Variants in ADD3 observed in about 807,000 individuals in gnomAD.
ADD3 encodes the protein gamma-adducin.
A neutral mutation model predicts 80.2 loss-of-function variants in ADD3; 25 were observed. The observed-to-expected ratio is 0.31, with a 90% CI of 0.23 to 0.44. The LOEUF is 0.44. Ranked by LOEUF, ADD3 falls within the 20% of genes least tolerant of loss-of-function variation. ADD3 has a pLI of 1.00. For missense variants in ADD3, 829 were observed against 847.5 expected (o/e 0.98, Z 0.27); for synonymous variants, 284 against 289.6 (o/e 0.98, Z 0.20).
At chr10:110,117,172 C>T (rs908828508) in intron 4 of ADD3, among the ~76,000 whole-genome samples, 170 bp from the exon 5 acceptor site, 3 of 151,824 alleles carry the variant, frequency 2.0e-5, no homozygotes, top group African/African-American at 7.3e-5. Context: ...TTAGCAAGTA[C>T]TTGAGGGAAA....
At chr10:110,001,354 G>A (rs1294513634), upstream of ADD3, among the ~76,000 whole-genome samples, 1 of 150,728 alleles carries the variant, frequency 6.6e-6, no homozygotes, top group Non-Finnish European at 1.5e-5. Context: ...GATTGAAGCT[G>A]TGGTGAGCTG....
At chr10:110,019,174 A>T (rs1206561343) in intron 1 of ADD3, among the ~76,000 whole-genome samples, 3 of 152,132 alleles carry the variant, frequency 2.0e-5, no homozygotes, top group Admixed American at 1.3e-4. Flanking sequence ...GATGGAGTTG[A>T]TACGAGATAT....
intron 9 of ADD3, chr10:110,123,739 CA>C (rs1851802736): frequency 3.1e-6 from 1 of 323,804 alleles, no homozygotes; most frequent in African/African-American, 2.1e-5. Context: ...GATAGAAAAG[CA>C]CTTCTGGTCA....
At position 110,130,410 on chromosome 10, in the gene ADD3, C is replaced by A. The variant is rs772690369; in HGVS notation, c.1656C>A (p.Asn552Lys). The A allele has an allele frequency of 1.2e-6, 2 of 1,613,896 alleles. No individual in the cohort carries two copies. The highest frequency in any genetic ancestry group is 2.7e-5 in the African/African-American group (2 of 74,902). ...DDDHGPPAPP[N>K]PFSHLTEGEL... ...ATCATGGCCCACCAGCTCCTCCTAA[C>A]CCATTTAGTCATCTCACAGAAGGAG... The change falls in exon 13 of 15, where the codon AAC becomes AAA. Residue 552 changes from asparagine (N) to lysine (K), a missense_variant. Asn to Lys is a moderately conservative substitution (Grantham distance 94). Transcript: ENST00000356080.
At position 110,116,251 on chromosome 10, in the gene ADD3, T is replaced by G; in HGVS notation, c.335-8T>G. The G allele has an allele frequency of 6.2e-7, 1 of 1,612,476 alleles. No homozygotes were observed. Among genetic ancestry groups the G allele is most frequent in the Admixed American group, 1.7e-5 (1 of 59,688 alleles). On this transcript the variant is annotated splice_polypyrimidine_tract_variant and splice_region_variant and intron_variant, in intron 3 of 14. Coordinates refer to ENST00000356080, the MANE Select transcript of ADD3 (RefSeq NM_016824.5). ...TCGTATCTCTCTCCACATTTTTTGC[T>G]CTTTTAGGTCTTGGCATGGTCACAC... is the stretch of plus-strand genomic sequence containing the variant.
At position 110,126,456 on chromosome 10, in the gene ADD3, C is replaced by A; in HGVS notation, c.1561C>A (p.Pro521Thr). Reference sequence around the variant, plus strand: ...TCGATATGACTTGAAAACAGCAGGACCACAATCTCAGTTGCTTGCTGGAAT... The same window carrying A: ...TCGATATGACTTGAAAACAGCAGGAACACAATCTCAGTTGCTTGCTGGAAT... ...QNRYDLKTAG[P>T]QSQLLAGIVV... is the part of the protein sequence containing the mutation. The change falls in exon 12 of 15, where the codon CCA (proline) becomes ACA (threonine). Residue 521 changes from proline (P) to threonine (T), a missense_variant. Physicochemically the swap from Pro to Thr is conservative, Grantham distance 38. Transcript: ENST00000356080. 6.2e-7 allele frequency: 1 copy of A among 1,613,660 alleles called. No individual in the cohort carries two copies. The highest frequency in any genetic ancestry group is 8.5e-7 in the Non-Finnish European group (1 of 1,179,914).
chr10:110,092,352 A>G (rs979383022), intron 1 of ADD3, among the ~76,000 whole-genome samples: 1 of 152,240 alleles, frequency 6.6e-6, no homozygotes, highest in African/African-American at 2.4e-5. Flanking sequence ...AATGAAGAAA[A>G]TTTGGTACAT....
At chr10:110,013,447 G>T (rs558304878) in intron 1 of ADD3, among the ~76,000 whole-genome samples, 1 of 152,256 alleles carries the variant, frequency 6.6e-6, no homozygotes, top group Middle Eastern at 3.4e-3. Flanking sequence ...AATTTTTTCT[G>T]CAGTGGGCAT....
At chr10:110,041,630 TG>T in intron 1 of ADD3, among the ~76,000 whole-genome samples, 1 of 152,340 alleles carries the variant, frequency 6.6e-6, no homozygotes, top group Non-Finnish European at 1.5e-5. Context: ...CTTAGAATTA[TG>T]GGCAATTTCC....
At chr10:110,019,002 A>G (rs1183478243) in intron 1 of ADD3, among the ~76,000 whole-genome samples, 3 of 152,240 alleles carry the variant, frequency 2.0e-5, no homozygotes, top group Non-Finnish European at 4.4e-5. Context: ...AGGAATCCTC[A>G]TCATTCCCAG....
At chr10:110,132,499 A>G (rs1457247216) in intron 14 of ADD3, 99 bp downstream of exon 14, 5 of 675,606 alleles carry the variant, frequency 7.4e-6, no homozygotes, top group East Asian at 2.8e-5. Flanking sequence ...ACCTCATCAC[A>G]GTAAGTTTTC....
intron 1 of ADD3, among the ~76,000 whole-genome samples, chr10:110,071,167 A>G (rs754190783): frequency 2.0e-5 from 3 of 152,142 alleles, no homozygotes; most frequent in Non-Finnish European, 4.4e-5. Context: ...CGTAAAACAT[A>G]TTTTTCCAAG....
chr10:110,116,235 T>C, intron 3 of ADD3, 24 bp from the exon 4 acceptor site: 1 of 1,612,248 alleles, frequency 6.2e-7, no homozygotes, highest in Non-Finnish European at 8.5e-7. Flanking sequence ...CTCGTATCTC[T>C]CTCCACATTT....
chr10:110,039,529 A>T (rs1856045939), intron 1 of ADD3, among the ~76,000 whole-genome samples: 1 of 152,214 alleles, frequency 6.6e-6, no homozygotes, highest in Admixed American at 6.5e-5. Context: ...AAACTGCTGA[A>T]GTTATTTCCA....
chr10:110,089,716 ATATGTT>A (rs1847233879), intron 1 of ADD3, among the ~76,000 whole-genome samples: 1 of 151,274 alleles, frequency 6.6e-6, no homozygotes, highest in Non-Finnish European at 1.5e-5. Context: ...TATATATGAT[ATATGTT>A]TATAATATAT....
At chr10:109,999,389 G>C (rs1189304380) in intron 1 of ADD3, among the ~76,000 whole-genome samples, 3 of 152,100 alleles carry the variant, frequency 2.0e-5, no homozygotes, top group African/African-American at 7.2e-5. Context: ...CATCACCTAA[G>C]GCCCTTCTCC....
chr10:110,108,430 A>G (rs912226287), intron 2 of ADD3, among the ~76,000 whole-genome samples: 1 of 152,148 alleles, frequency 6.6e-6, no homozygotes, highest in Non-Finnish European at 1.5e-5. Flanking sequence ...TCTTTATTCC[A>G]TTTACTTATT....
intron 8 of ADD3, 150 bp downstream of exon 8, chr10:110,119,714 C>G: frequency 1.6e-6 from 1 of 623,552 alleles, no homozygotes; most frequent in African/African-American, 1.9e-5. Flanking sequence ...GTTTTCAACT[C>G]AGTTATCTCT....
intron 1 of ADD3, among the ~76,000 whole-genome samples, chr10:110,094,571 C>A (rs1847936673): frequency 6.6e-6 from 1 of 152,120 alleles, no homozygotes; most frequent in Non-Finnish European, 1.5e-5. Context: ...TGGGTTTTTT[C>A]TCCCATTTTT....
Sources: gnomAD v4.1 joint callset for allele counts (sites outside exome capture counted in the v4.1 genomes callset) on GRCh38, gnomAD v4.1.1 for gene constraint, MANE v1.5 for transcripts, NCBI Gene and HGNC (gene_info 2026-07-23, HGNC 2026-07-21) for gene names.